The following NEK1 variants were observed in gnomAD, a reference collection of about 807,000 sequenced individuals.
NEK1 encodes serine/threonine-protein kinase Nek1.
In NEK1, 137 loss-of-function variants were observed where a neutral mutation model predicts 182.1. That is an observed-to-expected ratio of 0.75 (90% CI 0.65 to 0.87). NEK1 has a LOEUF of 0.87. NEK1 is among the 40% of genes least tolerant of loss of function. The pLI is 0.00. For missense variants in NEK1, 1,391 were observed against 1,494.4 expected, an observed-to-expected ratio of 0.93 and a Z score of 1.14; for synonymous variants, 513 against 492.2, an observed-to-expected ratio of 1.04 and a Z score of -0.56.
chr4:169,577,136 T>G, intron 11 of NEK1, 57 bp from the exon 12 acceptor site: 1 of 1,515,480 alleles, frequency 6.6e-7, no homozygotes. Flanking sequence ...ACTCTTTACT[T>G]TCAGAATTCT....
intron 19 of NEK1, among the ~76,000 whole-genome samples, chr4:169,524,549 G>T (rs576636360): frequency 6.7e-6 from 1 of 149,716 alleles, no homozygotes; most frequent in Non-Finnish European, 1.5e-5. Flanking sequence ...AAATCAAACA[G>T]AACAAGGTAC....
intron 5 of NEK1, among the ~76,000 whole-genome samples, chr4:169,596,252 TTAG>T (rs1388308174): frequency 1.3e-4 from 20 of 152,316 alleles, no homozygotes; most frequent in African/African-American, 4.8e-4. Flanking sequence ...TTCTGTAACC[TTAG>T]TAGTTGTTTG....
intron 26 of NEK1, among the ~76,000 whole-genome samples, chr4:169,475,053 A>G (rs1332491877): frequency 6.6e-6 from 1 of 152,148 alleles, no homozygotes; most frequent in Non-Finnish European, 1.5e-5. Context: ...ACAAAAACAA[A>G]TGAGATGATC....
chr4:169,585,287 A>G, intron 10 of NEK1, 62 bp downstream of exon 10: 1 of 1,208,332 alleles, frequency 8.3e-7, no homozygotes, highest in Non-Finnish European at 1.2e-6. Flanking sequence ...TCAACACTGG[A>G]GGCCATGTCT....
chr4:169,459,406 T>G (rs755272793), intron 27 of NEK1, among the ~76,000 whole-genome samples: 15 of 152,282 alleles, frequency 9.9e-5, no homozygotes, highest in Middle Eastern at 3.4e-3. Flanking sequence ...GGAGAGGACA[T>G]GGAGTAAAAG....
chr4:169,451,978 A>C (rs1394324545), intron 27 of NEK1, among the ~76,000 whole-genome samples: 1 of 152,190 alleles, frequency 6.6e-6, no homozygotes, highest in African/African-American at 2.4e-5. Context: ...CAGAAATACA[A>C]ACTACCTTCA....
At chr4:169,486,671 T>C (rs374139122) in intron 23 of NEK1, among the ~76,000 whole-genome samples, 1 of 152,216 alleles carries the variant, frequency 6.6e-6, no homozygotes, top group East Asian at 1.9e-4. Flanking sequence ...TAAATTTTCT[T>C]AACTAGTATT....
chr4:169,425,760 C>A (rs1417286394), intron 30 of NEK1, among the ~76,000 whole-genome samples: 1 of 152,070 alleles, frequency 6.6e-6, no homozygotes, highest in Non-Finnish European at 1.5e-5. Flanking sequence ...TCAAGTGATC[C>A]TCCCACCTCA....
intron 29 of NEK1, among the ~76,000 whole-genome samples, chr4:169,432,804 G>A (rs1737678809): frequency 1.3e-5 from 2 of 152,220 alleles, no homozygotes; most frequent in Admixed American, 6.5e-5. Flanking sequence ...TTGAGTTGGA[G>A]AGTCTGTTGC....
intron 19 of NEK1, among the ~76,000 whole-genome samples, chr4:169,525,317 T>G (rs1756728773): frequency 6.6e-6 from 1 of 151,864 alleles, no homozygotes; most frequent in South Asian, 2.1e-4. Flanking sequence ...TTAGTAGAGA[T>G]GGGGTTTTAT....
At chr4:169,489,995 G>C (rs1380774856) in intron 23 of NEK1, among the ~76,000 whole-genome samples, 1 of 150,672 alleles carries the variant, frequency 6.6e-6, no homozygotes, top group African/African-American at 2.5e-5. Context: ...TAGGCTGCTT[G>C]TGAGCTCTGC....
chr4:169,518,847 T>C (rs1580411526), intron 19 of NEK1, among the ~76,000 whole-genome samples: 2 of 101,200 alleles, frequency 2.0e-5, no homozygotes, highest in Admixed American at 1.8e-4. Flanking sequence ...CAGTTCTAGT[T>C]TGATTGCACT....
chr4:169,465,245 G>T (rs995428804), intron 26 of NEK1, among the ~76,000 whole-genome samples: 4 of 152,028 alleles, frequency 2.6e-5, no homozygotes, highest in African/African-American at 9.7e-5. Flanking sequence ...ATATGCCAAA[G>T]AAATTCAAAA....
chr4:169,475,270 AT>A (rs1189597841), intron 26 of NEK1, among the ~76,000 whole-genome samples: 3 of 152,162 alleles, frequency 2.0e-5, no homozygotes, highest in Non-Finnish European at 2.9e-5. Flanking sequence ...ACCCAAAAAG[AT>A]TACAGAGAAC....
intron 18 of NEK1, among the ~76,000 whole-genome samples, chr4:169,545,952 C>T (rs1050387936): frequency 1.3e-5 from 2 of 152,168 alleles, no homozygotes; most frequent in African/African-American, 2.4e-5. Context: ...ACATTCCATG[C>T]TCACGGGTAG....
chr4:169,510,502 T>C (rs1754003055), intron 19 of NEK1, among the ~76,000 whole-genome samples: 1 of 152,184 alleles, frequency 6.6e-6, no homozygotes, highest in Non-Finnish European at 1.5e-5. Context: ...TTTCAGTTTC[T>C]GCCTTAGCTC....
intron 18 of NEK1, among the ~76,000 whole-genome samples, chr4:169,545,938 A>T (rs1760353541): frequency 6.6e-6 from 1 of 152,226 alleles, no homozygotes. Context: ...AAACAAATGG[A>T]AGAACATTCC....
intron 24 of NEK1, 107 bp downstream of exon 24, chr4:169,479,296 T>C (rs1747545641): frequency 1.7e-6 from 2 of 1,189,876 alleles, no homozygotes; most frequent in African/African-American, 1.6e-5. Context: ...TTTTTTTCCT[T>C]AGAAAAACCT....
At chr4:169,403,030 A>G (rs574829187) in intron 32 of NEK1, among the ~76,000 whole-genome samples, 6 of 152,326 alleles carry the variant, frequency 3.9e-5, no homozygotes, top group South Asian at 2.1e-4. Context: ...TTAGACTCCA[A>G]TCAAATATTT....
Sources: gnomAD v4.1 joint callset for allele counts (sites outside exome capture counted in the v4.1 genomes callset) on GRCh38, gnomAD v4.1.1 for gene constraint, MANE v1.5 for transcripts, NCBI Gene and HGNC (gene_info 2026-07-23, HGNC 2026-07-21) for gene names.